The following MYL10 variants were observed in gnomAD, a reference collection of about 807,000 sequenced individuals.
MYL10 encodes myosin light chain 10.
A neutral mutation model predicts 21.9 loss-of-function variants in MYL10; 18 were observed. That is an observed-to-expected ratio of 0.82 (90% CI 0.57 to 1.22). MYL10 has a LOEUF of 1.22. MYL10 is among the 50% of genes most tolerant of loss of function. The probability of loss-of-function intolerance (pLI) is 0.00; values close to 1 mark genes in which losing one functional copy is unlikely to be tolerated. For missense variants in MYL10, 225 were observed against 230.4 expected, an observed-to-expected ratio of 0.98 and a Z score of 0.15; for synonymous variants, 88 against 82.8, an observed-to-expected ratio of 1.06 and a Z score of -0.34.
At position 101,623,063 on chromosome 7, in the gene MYL10, T is replaced by C; in HGVS notation, c.283A>G (p.Ile95Val). Residue 95 changes from isoleucine to valine, a missense_variant, in exon 4 of 8, where the codon ATC becomes GTC. Physicochemically the swap from Ile to Val is conservative, Grantham distance 29. Coordinates refer to ENST00000223167, the MANE Select transcript of MYL10 (RefSeq NM_138403.5). ...AAGCCATCACGGTTCTGGTCCATGA[T>C]GGTGAAAGCCTGGCAGAGACACAGG... ...SPASASQAFT[I>V]MDQNRDGFID... 6.2e-7 allele frequency: 1 copy of C among 1,613,912 alleles called. No individual in the cohort carries two copies. Among genetic ancestry groups the C allele is most frequent in the Non-Finnish European group, 8.5e-7 (1 of 1,179,956 alleles).
chr7:101,626,901 A>T (rs1233447420), intron 1 of MYL10, among the ~76,000 whole-genome samples: 1 of 152,200 alleles, frequency 6.6e-6, no homozygotes, highest in Non-Finnish European at 1.5e-5. Flanking sequence ...ACAACATCAG[A>T]TTAAGGTCAG....
At chr7:101,615,231 C>T (rs573010696) in intron 6 of MYL10, among the ~76,000 whole-genome samples, 2 of 152,260 alleles carry the variant, frequency 1.3e-5, no homozygotes, top group East Asian at 3.9e-4. Context: ...CTGGCTCAGT[C>T]CTCTCCCCAG....
intron 5 of MYL10, among the ~76,000 whole-genome samples, chr7:101,620,474 C>T (rs1017257558): frequency 8.5e-5 from 13 of 152,194 alleles, no homozygotes; most frequent in Admixed American, 5.2e-4. Context: ...TGCCAGATTT[C>T]GCACTTCTGG....
intron 5 of MYL10, among the ~76,000 whole-genome samples, chr7:101,617,817 G>A (rs1315349431): frequency 6.6e-6 from 1 of 151,036 alleles, no homozygotes; most frequent in Admixed American, 6.6e-5. Context: ...CGATCAGACT[G>A]GGTCAGGGCC....
In MYL10 at chr7:101,626,604, C is replaced by T. The variant is rs191913937; in HGVS notation, c.79-2340G>A. Reference sequence around the variant, plus strand: ...AGCAAGCCCTGCGTCACATGAGGTGCACAGGCAAAGGTGAACAGGGGGACC... The same window carrying T: ...AGCAAGCCCTGCGTCACATGAGGTGTACAGGCAAAGGTGAACAGGGGGACC... On this transcript the variant is annotated intron_variant, in intron 1 of 7. Transcript: ENST00000223167. Among the ~76,000 whole-genome samples the T allele has an allele frequency of 4.6e-3, 695 of 152,306 alleles. 4 individuals carry two copies. Among genetic ancestry groups the T allele is most frequent in the African/African-American group, 0.016 (667 of 41,566 alleles).
Position 101,613,549 on chromosome 7 carries a change from G to A in MYL10, c.607C>T (p.Pro203Ser). 1.2e-6 allele frequency: 2 copies of A among 1,614,140 alleles called. No individual in the cohort carries two copies. The highest frequency in any genetic ancestry group is 1.3e-5 in the African/African-American group (1 of 75,018). The stretch of plus-strand genomic sequence containing the variant: ...TCCAGGTTGCCGCACACATCTGGGG[G>A]AAATGCTGCAAACATCTGCTTGACC... ...EEVKQMFAAFPPDVCGNLDYR... is the reference protein window; with the variant it reads ...EEVKQMFAAFSPDVCGNLDYR... Residue 203 changes from proline (P) to serine (S), a missense_variant, in exon 8 of 8, where the codon CCC becomes TCC. Physicochemically the swap from Pro to Ser is moderately conservative, Grantham distance 74. Coordinates refer to ENST00000223167, the MANE Select transcript of MYL10 (RefSeq NM_138403.5).
intron 6 of MYL10, among the ~76,000 whole-genome samples, chr7:101,615,988 C>G (rs912138559): frequency 1.3e-5 from 2 of 152,046 alleles, no homozygotes; most frequent in Non-Finnish European, 2.9e-5. Flanking sequence ...CGTGAGCCAC[C>G]GCGCCCAGCC....
In MYL10 at chr7:101,623,085, C is replaced by A; in HGVS notation, c.274-13G>T. 1 of 1,613,162 alleles carries A rather than the reference C, an allele frequency of 6.2e-7. No individual in the cohort carries two copies. Among genetic ancestry groups the A allele is most frequent in the Non-Finnish European group, 8.5e-7 (1 of 1,179,636 alleles). ...TGATGGTGAAAGCCTGGCAGAGACA[C>A]AGGTGCTAAGTAGTCACCTGCCCTT... On this transcript the variant is annotated splice_polypyrimidine_tract_variant and intron_variant, in intron 3 of 7. Transcript: ENST00000223167.
At chr7:101,614,922 G>C (rs1410167005) in intron 6 of MYL10, among the ~76,000 whole-genome samples, 1 of 152,134 alleles carries the variant, frequency 6.6e-6, no homozygotes, top group East Asian at 1.9e-4. Flanking sequence ...AATCTCACCT[G>C]CCCCAGGCCA....
At chr7:101,613,822 G>A in intron 6 of MYL10, 112 bp from the exon 7 acceptor site, 1 of 1,053,842 alleles carries the variant, frequency 9.5e-7, no homozygotes, top group East Asian at 2.4e-5. Flanking sequence ...CCTGGACCAG[G>A]AGGACATCAA....
At chr7:101,614,324 G>A (rs775489384) in intron 6 of MYL10, among the ~76,000 whole-genome samples, 21 of 152,168 alleles carry the variant, frequency 1.4e-4, no homozygotes, top group African/African-American at 5.1e-4. Flanking sequence ...GGCAGGCCTC[G>A]CTAAGGACCA....
intron 6 of MYL10, among the ~76,000 whole-genome samples, chr7:101,615,697 CTTTT>C (rs900024757): frequency 2.5e-5 from 3 of 121,208 alleles, no homozygotes; most frequent in Non-Finnish European, 3.3e-5. Context: ...ACCACTTCTT[CTTTT>C]TTTTTTTTTT....
intron 1 of MYL10, among the ~76,000 whole-genome samples, chr7:101,626,003 A>G (rs970638799): frequency 6.7e-6 from 1 of 150,358 alleles, no homozygotes; most frequent in Non-Finnish European, 1.5e-5. Flanking sequence ...TCTTTACAGC[A>G]CAAGAGTCCT....
chr7:101,614,577 G>A (rs1796586913), intron 6 of MYL10, among the ~76,000 whole-genome samples: 1 of 152,206 alleles, frequency 6.6e-6, no homozygotes, highest in Non-Finnish European at 1.5e-5. Flanking sequence ...GTGGTTGACA[G>A]TAGAGGGAGG....
At position 101,613,464 on chromosome 7, in the gene MYL10, C is replaced by T. The variant is rs186075037; in HGVS notation, c.*11G>A. On this transcript the variant is annotated 3_prime_UTR_variant, in exon 8 of 8. Transcript: ENST00000223167. Reference sequence around the variant, plus strand: ...TTGCTGCCCCTGAATGTCGGGGAGACTTGTGATCCCCTAATCCTTCTCTTC... The same window carrying T: ...TTGCTGCCCCTGAATGTCGGGGAGATTTGTGATCCCCTAATCCTTCTCTTC... 1.2e-6 allele frequency: 2 copies of T among 1,610,906 alleles called. No homozygotes were observed. Among genetic ancestry groups the T allele is most frequent in the African/African-American group, 2.7e-5 (2 of 74,994 alleles).
At chr7:101,622,495 TG>T (rs1796692064) in intron 4 of MYL10, among the ~76,000 whole-genome samples, 3 of 152,234 alleles carry the variant, frequency 2.0e-5, no homozygotes, top group Admixed American at 1.3e-4. Flanking sequence ...AGGGTTCCTG[TG>T]CCCCAGGAGG....
At chr7:101,621,592 G>A (rs1326332783) in intron 5 of MYL10, among the ~76,000 whole-genome samples, 3 of 67,830 alleles carry the variant, frequency 4.4e-5, no homozygotes, top group Non-Finnish European at 1.1e-4. Flanking sequence ...AGTTTTTATG[G>A]TTGTTGTTGT....
rs865972241 is a variant in MYL10 at position 101,623,200 on chromosome 7, G to A, written c.274-128C>T. The A allele has an allele frequency of 7.4e-5, 54 of 730,210 alleles. 1 individual carries two copies. Among genetic ancestry groups the A allele is most frequent in the South Asian group, 5.3e-4 (31 of 58,774 alleles). 45.2% of individuals were successfully genotyped at this position (730,210 alleles called of 1,614,324 possible). ...CAGGTCCCTCTGGCAGCCCAGCTGG[G>A]ATGGGCTCCATCCCCAACCCCTCAT... On this transcript the variant is annotated intron_variant, in intron 3 of 7. Transcript: ENST00000223167.
At chr7:101,618,686 C>T (rs1034273252) in intron 5 of MYL10, among the ~76,000 whole-genome samples, 9 of 152,214 alleles carry the variant, frequency 5.9e-5, no homozygotes, top group African/African-American at 2.2e-4. Flanking sequence ...GGTGAGGCGG[C>T]GCCGGCCCCA....
Sources: allele counts gnomAD v4.1 joint callset (sites outside exome capture counted in the v4.1 genomes callset), GRCh38; gene constraint gnomAD v4.1.1; transcripts MANE v1.5; gene names NCBI Gene and HGNC (gene_info 2026-07-23, HGNC 2026-07-21).